The following XPO4 variants were observed in gnomAD, a reference collection of about 807,000 sequenced individuals.
XPO4 encodes exportin-4.
In XPO4, 39 loss-of-function variants were observed where a neutral mutation model predicts 143.0. That is an observed-to-expected ratio of 0.27 (90% CI 0.21 to 0.36). The LOEUF (loss-of-function observed/expected upper bound fraction) is 0.36. Among genes scored for constraint, XPO4 ranks in the 10% least tolerant of loss-of-function variants. The probability of loss-of-function intolerance (pLI) is 1.00; values close to 1 mark genes in which losing one functional copy is unlikely to be tolerated. For missense variants in XPO4, 907 were observed against 1,348.0 expected (o/e 0.67, Z 5.12); for synonymous variants, 439 against 474.0 (o/e 0.93, Z 0.96).
intron 1 of XPO4, among the ~76,000 whole-genome samples, chr13:20,881,697 A>G (rs746043472): frequency 7.2e-5 from 11 of 152,218 alleles, no homozygotes; most frequent in Non-Finnish European, 1.3e-4. Context: ...ACACAATCAC[A>G]TATCATCATC....
intron 1 of XPO4, among the ~76,000 whole-genome samples, chr13:20,872,103 T>C (rs768482982): frequency 1.3e-5 from 2 of 152,120 alleles, no homozygotes; most frequent in Non-Finnish European, 2.9e-5. Context: ...GGCAAATAGA[T>C]TTCCAACCCC....
intron 6 of XPO4, among the ~76,000 whole-genome samples, chr13:20,834,348 A>G (rs1478394735): frequency 6.6e-6 from 1 of 152,180 alleles, no homozygotes; most frequent in Non-Finnish European, 1.5e-5. Context: ...GAAATTTAAA[A>G]AACAATTTAC....
chr13:20,861,329 T>C (rs1393633760), intron 3 of XPO4, among the ~76,000 whole-genome samples: 1 of 134,584 alleles, frequency 7.4e-6, no homozygotes, highest in African/African-American at 2.8e-5. Flanking sequence ...GGAGTCCCAC[T>C]CTGCCACCTA....
At chr13:20,889,341 T>G (rs998554795) in intron 1 of XPO4, among the ~76,000 whole-genome samples, 1 of 152,172 alleles carries the variant, frequency 6.6e-6, no homozygotes, top group African/African-American at 2.4e-5. Context: ...CATGGTAAAA[T>G]GGATCACGTA....
At chr13:20,898,102 C>T (rs534359007) in intron 1 of XPO4, among the ~76,000 whole-genome samples, 2 of 152,242 alleles carry the variant, frequency 1.3e-5, no homozygotes, top group East Asian at 3.9e-4. Flanking sequence ...ATTTACTTCA[C>T]AGGACTGATA....
At chr13:20,812,458 A>G (rs1275818977) in intron 9 of XPO4, among the ~76,000 whole-genome samples, 1 of 152,238 alleles carries the variant, frequency 6.6e-6, no homozygotes, top group Admixed American at 6.5e-5. Context: ...AAAGTCAGGA[A>G]AGGCAAATTT....
At chr13:20,787,349 A>G (rs1472085762) in intron 21 of XPO4, 132 bp downstream of exon 21, 1 of 834,524 alleles carries the variant, frequency 1.2e-6, no homozygotes, top group Non-Finnish European at 1.9e-6. Flanking sequence ...AGAAAAAAAC[A>G]GTGAACAGGA....
chr13:20,869,703 C>G, intron 1 of XPO4: 1 of 560,944 alleles, frequency 1.8e-6, no homozygotes, highest in South Asian at 7.9e-5. Flanking sequence ...CTGTGAATCT[C>G]TGGCTTCAGA....
Position 20,862,575 on chromosome 13 carries a change from C to T in XPO4, c.317+142G>A, listed in dbSNP as rs1038603978. ...ACTCCTGGGCTCAAGGAGATCCTCCCTCTCAGCCTCCCAAAGTGGAGATTA... is the reference window on the plus strand; with the variant it reads ...ACTCCTGGGCTCAAGGAGATCCTCCTTCTCAGCCTCCCAAAGTGGAGATTA... On this transcript the variant is annotated intron_variant, in intron 3 of 22. Coordinates refer to ENST00000255305, the MANE Select transcript of XPO4 (RefSeq NM_022459.5). 34 of 1,019,910 alleles carry T rather than the reference C, an allele frequency of 3.3e-5. No individual in the cohort carries two copies. In the African/African-American group the frequency reaches 5.2e-4, roughly 16 times the overall value. 63.2% of individuals were successfully genotyped at this position (1,019,910 alleles called of 1,614,324 possible). A position where few individuals can be genotyped will look rare whatever the true frequency, so the allele number is the denominator to read the frequency against.
intron 4 of XPO4, among the ~76,000 whole-genome samples, chr13:20,844,093 G>T (rs2060006527): frequency 6.6e-6 from 1 of 152,134 alleles, no homozygotes. Flanking sequence ...AGTGTTAATA[G>T]TACTTCCTCA....
intron 9 of XPO4, among the ~76,000 whole-genome samples, chr13:20,814,358 A>C (rs573613956): frequency 6.6e-6 from 1 of 152,238 alleles, no homozygotes; most frequent in Non-Finnish European, 1.5e-5. Context: ...AGTTTTCAAT[A>C]ATCCCTCCTA....
At chr13:20,834,110 G>A (rs1437320784) in intron 6 of XPO4, among the ~76,000 whole-genome samples, 1 of 152,172 alleles carries the variant, frequency 6.6e-6, no homozygotes, top group Non-Finnish European at 1.5e-5. Flanking sequence ...CCAAATCACA[G>A]AAACTGTGGA....
At chr13:20,785,976 G>GAGGAAGGAAGGAAGGAAGGAAGGA (rs57331137) in intron 22 of XPO4, among the ~76,000 whole-genome samples, 9 of 141,934 alleles carry the variant, frequency 6.3e-5, no homozygotes, top group African/African-American at 2.4e-4. Flanking sequence ...AAGAAAAAGA[G>GAGGAAGGAAGGAAGGAAGGAAGGA]AGGAAGGAAG....
intron 6 of XPO4, among the ~76,000 whole-genome samples, chr13:20,837,865 C>T (rs2059933820): frequency 6.6e-6 from 1 of 152,178 alleles, no homozygotes; most frequent in Admixed American, 6.5e-5. Flanking sequence ...AAACTGCCCC[C>T]ATGACTTTAT....
At position 20,843,796 on chromosome 13, in the gene XPO4, G is replaced by A. The variant is rs867218131; in HGVS notation, c.547C>T (p.His183Tyr). 2 of 1,612,910 alleles carry A rather than the reference G, an allele frequency of 1.2e-6. No homozygotes were observed. Among genetic ancestry groups the A allele is most frequent in the Non-Finnish European group, 1.7e-6 (2 of 1,179,510 alleles). Residue 183 changes from histidine (H) to tyrosine (Y), a missense_variant, in exon 5 of 23, where the codon CAT becomes TAT. By Grantham distance (83) the His-to-Tyr change is moderately conservative (BLOSUM62 2). Coordinates refer to ENST00000255305, the MANE Select transcript of XPO4 (RefSeq NM_022459.5). ...TSNIGLSMEF[H>Y]GNCKRVFQEE... ...TGAAAAACTCTTTTGCAGTTACCAT[G>A]GAATTCCATGCTCAATCCAATGTTG... is the stretch of plus-strand genomic sequence containing the variant.
intron 9 of XPO4, among the ~76,000 whole-genome samples, chr13:20,818,066 G>A (rs552065137): frequency 1.8e-3 from 271 of 152,192 alleles, no homozygotes; most frequent in African/African-American, 6.3e-3. Context: ...AGGTACGGCC[G>A]TGAGCCACCA....
chr13:20,896,565 CATTT>C (rs1269306132), intron 1 of XPO4, among the ~76,000 whole-genome samples: 1 of 152,094 alleles, frequency 6.6e-6, no homozygotes, highest in Non-Finnish European at 1.5e-5. Context: ...TCTTGCAACC[CATTT>C]ATTTTTCTTA....
chr13:20,792,447 T>G (rs2059296503), intron 18 of XPO4, among the ~76,000 whole-genome samples: 2 of 152,066 alleles, frequency 1.3e-5, no homozygotes, highest in South Asian at 4.2e-4. Flanking sequence ...CGGGCACCTA[T>G]AGTCCCAGGT....
intron 20 of XPO4, among the ~76,000 whole-genome samples, 173 bp from the exon 21 acceptor site, chr13:20,787,771 G>A (rs772599280): frequency 2.6e-5 from 4 of 152,212 alleles, no homozygotes; most frequent in Admixed American, 6.5e-5. Context: ...GATTTCCAGT[G>A]TTTTTCAGAT....
Sources: gnomAD v4.1 joint callset for allele counts (sites outside exome capture counted in the v4.1 genomes callset) on GRCh38, gnomAD v4.1.1 for gene constraint, MANE v1.5 for transcripts, NCBI Gene and HGNC (gene_info 2026-07-23, HGNC 2026-07-21) for gene names.